PSME4: variants seen among roughly 807,000 people sequenced by gnomAD.
PSME4 encodes proteasome activator complex subunit 4.
A neutral mutation model predicts 253.9 loss-of-function variants in PSME4; 89 were observed. The observed-to-expected ratio is 0.35, with a 90% CI of 0.30 to 0.42. The LOEUF (loss-of-function observed/expected upper bound fraction) is 0.42. PSME4 is among the 10% of genes least tolerant of loss of function. The pLI is 1.00. For synonymous variants in PSME4, 851 were observed against 759.2 expected, an observed-to-expected ratio of 1.12 and a Z score of -1.99; for missense variants, 2,014 against 2,195.2, an observed-to-expected ratio of 0.92 and a Z score of 1.65.
At chr2:53,866,986 T>A in intron 44 of PSME4, 106 bp from the exon 45 acceptor site, 1 of 1,098,756 alleles carries the variant, frequency 9.1e-7, no homozygotes, top group Non-Finnish European at 1.3e-6. Context: ...AATATGTGAA[T>A]TTCTGCATTT....
At chr2:53,884,806 C>T (rs973209628) in intron 41 of PSME4, among the ~76,000 whole-genome samples, 2 of 152,150 alleles carry the variant, frequency 1.3e-5, no homozygotes, top group African/African-American at 4.8e-5. Flanking sequence ...TTTTATACCC[C>T]AAAAGATCCC....
intron 33 of PSME4, 92 bp downstream of exon 33, chr2:53,895,491 T>G: frequency 1.6e-6 from 2 of 1,271,328 alleles, no homozygotes; most frequent in Non-Finnish European, 2.2e-6. Flanking sequence ...AAAAGAACCT[T>G]CAAGTGCCTC....
chr2:53,891,017 A>G (rs1679881800), intron 36 of PSME4, among the ~76,000 whole-genome samples: 1 of 151,250 alleles, frequency 6.6e-6, no homozygotes, highest in South Asian at 2.1e-4. Flanking sequence ...ACGGAGCAAG[A>G]CTCCGTCTAA....
intron 3 of PSME4, among the ~76,000 whole-genome samples, chr2:53,941,007 A>G (rs1376420351): frequency 9.3e-6 from 1 of 107,366 alleles, no homozygotes; most frequent in Non-Finnish European, 1.9e-5. Context: ...ATATGAAAGG[A>G]GTAAGTTTCA....
At chr2:53,876,713 A>ATTTTTTTTTTTTTTT (rs1224675454) in intron 41 of PSME4, among the ~76,000 whole-genome samples, 1 of 77,228 alleles carries the variant, frequency 1.3e-5, no homozygotes. Flanking sequence ...AGCCACTGTC[A>ATTTTTTTTTTTTTTT]TTCTTTTTTT....
intron 1 of PSME4, among the ~76,000 whole-genome samples, chr2:53,961,198 G>C (rs1000140190): frequency 6.6e-5 from 10 of 152,192 alleles, no homozygotes; most frequent in African/African-American, 1.2e-4. Context: ...AGTATGTGCT[G>C]CTTTTAACAT....
At chr2:53,895,450 A>C in intron 33 of PSME4, 133 bp downstream of exon 33, 1 of 933,074 alleles carries the variant, frequency 1.1e-6, no homozygotes, top group Non-Finnish European at 1.6e-6. Flanking sequence ...GCAGGAGCAA[A>C]AGAAAGAGAG....
chr2:53,967,865 T>C (rs1192674063), intron 1 of PSME4, among the ~76,000 whole-genome samples: 1 of 152,056 alleles, frequency 6.6e-6, no homozygotes, highest in Non-Finnish European at 1.5e-5. Flanking sequence ...GTTTCCAGTA[T>C]TTTACAAATT....
chr2:53,866,620 CTA>C, intron 45 of PSME4, 125 bp downstream of exon 45: 2 of 1,048,846 alleles, frequency 1.9e-6, no homozygotes, highest in South Asian at 1.9e-5. Context: ...GGTGAGCAGA[CTA>C]AGCCTTGGCA....
chr2:53,961,508 T>C (rs1397487526), intron 1 of PSME4, among the ~76,000 whole-genome samples: 1 of 151,922 alleles, frequency 6.6e-6, no homozygotes, highest in Non-Finnish European at 1.5e-5. Context: ...TCTACAAAAA[T>C]AAAAATAAAA....
At chr2:53,918,955 A>G (rs1350708667) in intron 20 of PSME4, among the ~76,000 whole-genome samples, 196 bp downstream of exon 20, 1 of 152,190 alleles carries the variant, frequency 6.6e-6, no homozygotes, top group African/African-American at 2.4e-5. Flanking sequence ...CTATCCTGGT[A>G]CCATGTGAAA....
chr2:53,876,726 T>C (rs1218940187), intron 41 of PSME4, among the ~76,000 whole-genome samples: 1 of 134,118 alleles, frequency 7.5e-6, no homozygotes, highest in African/African-American at 2.9e-5. Flanking sequence ...CTTTTTTTTT[T>C]TTTTTTTTTT....
intron 30 of PSME4, 99 bp from the exon 31 acceptor site, chr2:53,898,098 A>T (rs1344921996): frequency 1.0e-5 from 14 of 1,400,288 alleles, no homozygotes; most frequent in African/African-American, 1.5e-5. Flanking sequence ...TTTCTCAAGA[A>T]TTAAAATAGG....
At chr2:53,880,732 T>C (rs920512821) in intron 41 of PSME4, among the ~76,000 whole-genome samples, 2 of 152,162 alleles carry the variant, frequency 1.3e-5, no homozygotes, top group African/African-American at 4.8e-5. Flanking sequence ...GACACATTCA[T>C]AGTCAAAGGC....
chr2:53,949,374 G>C, intron 1 of PSME4, 91 bp from the exon 2 acceptor site: 1 of 731,914 alleles, frequency 1.4e-6, no homozygotes, highest in Non-Finnish European at 2.0e-6. Context: ...CCAAGATGTA[G>C]ATGCAACCTG....
At chr2:53,947,702 T>C (rs538368629) in intron 3 of PSME4, among the ~76,000 whole-genome samples, 35 of 68,496 alleles carry the variant, frequency 5.1e-4, no homozygotes, top group Admixed American at 3.0e-3. Context: ...CGAGACTCCA[T>C]CTCAAAACAA....
chr2:53,960,714 A>C (rs1670453202), intron 1 of PSME4, among the ~76,000 whole-genome samples: 1 of 152,232 alleles, frequency 6.6e-6, no homozygotes, highest in Non-Finnish European at 1.5e-5. Context: ...ATAAACGTAC[A>C]TGAAAGATGC....
At chr2:53,869,722 A>G (rs979297649) in intron 43 of PSME4, 184 bp from the exon 44 acceptor site, 1 of 419,044 alleles carries the variant, frequency 2.4e-6, no homozygotes, top group Non-Finnish European at 4.2e-6. Flanking sequence ...GTGGCCTCAT[A>G]ATGGATAAAA....
chr2:53,888,941 G>T (rs1679763510), intron 37 of PSME4, 129 bp from the exon 38 acceptor site: 1 of 698,954 alleles, frequency 1.4e-6, no homozygotes, highest in Admixed American at 2.5e-5. Flanking sequence ...CTGGAGTGAA[G>T]TGGTATGATT....
Sources: allele counts gnomAD v4.1 joint callset (sites outside exome capture counted in the v4.1 genomes callset), GRCh38; gene constraint gnomAD v4.1.1; transcripts MANE v1.5; gene names NCBI Gene and HGNC (gene_info 2026-07-23, HGNC 2026-07-21).